Variants in SLC26A2 observed in about 807,000 individuals in gnomAD.
SLC26A2 encodes the protein solute carrier family 26 member 2, also known as sulfate transporter.
In SLC26A2, 36 loss-of-function variants were observed where a neutral mutation model predicts 41.1. The observed-to-expected ratio is 0.88, with a 90% CI of 0.67 to 1.16. SLC26A2 has a LOEUF of 1.16. Among genes scored for constraint, SLC26A2 ranks in the 50% most tolerant of loss-of-function variants. The pLI, the probability that SLC26A2 is intolerant of heterozygous loss-of-function variation, is 0.00. For missense variants in SLC26A2, 796 were observed against 869.6 expected (o/e 0.92, Z 1.07); for synonymous variants, 291 against 311.6 (o/e 0.93, Z 0.70).
intron 1 of SLC26A2, among the ~76,000 whole-genome samples, chr5:149,969,536 A>T (rs1754865371): frequency 6.6e-6 from 1 of 151,976 alleles, no homozygotes; most frequent in African/African-American, 2.4e-5. Flanking sequence ...CTTTTGTGTG[A>T]TCCTTCTCAG....
intron 1 of SLC26A2, chr5:149,962,193 T>C (rs1754723848): frequency 6.6e-6 from 1 of 152,232 alleles, no homozygotes. Context: ...TTTGCAGGGA[T>C]GGTCCTAAGA....
At chr5:149,979,059 T>A (rs1418963281) in intron 2 of SLC26A2, among the ~76,000 whole-genome samples, 1 of 151,934 alleles carries the variant, frequency 6.6e-6, no homozygotes, top group Non-Finnish European at 1.5e-5. Context: ...AAATTGCTGA[T>A]CTATTGAGCA....
chr5:149,974,799 C>T lies in SLC26A2; in HGVS notation c.-25-2829C>T, dbSNP rs1050184740. 2.1e-5 allele frequency among the ~76,000 whole-genome samples: 3 copies of T among 145,420 alleles called. No individual in the cohort carries two copies. In the South Asian group the frequency reaches 6.7e-4, roughly 33 times the overall value. On this transcript the variant is annotated intron_variant, in intron 1 of 2. Coordinates refer to ENST00000286298, the MANE Select transcript of SLC26A2 (RefSeq NM_000112.4). Reference sequence around the variant, plus strand: ...GGAGTGCAATGGCGTGATCTCGGCTCACTGCAACCTCCAGTTCCTGGGTTC... The same window carrying T: ...GGAGTGCAATGGCGTGATCTCGGCTTACTGCAACCTCCAGTTCCTGGGTTC...
At position 149,983,877 on chromosome 5, in the gene SLC26A2, A is replaced by G. The variant is rs1029979396; in HGVS notation, c.*2064A>G. 6.6e-6 allele frequency: 1 copy of G among 152,180 alleles called. No homozygotes were observed. Among genetic ancestry groups the G allele is most frequent in the African/African-American group, 2.4e-5 (1 of 41,432 alleles). 9.4% of individuals were successfully genotyped at this position (152,180 alleles called of 1,614,324 possible). A position where few individuals can be genotyped will look rare whatever the true frequency, so the allele number is the denominator to read the frequency against. Reference sequence around the variant, plus strand: ...CAGGCGTGAGCCACTGCACTTGGCCAAGTTATTTATTTTTAATCTCTCTTG... The same window carrying G: ...CAGGCGTGAGCCACTGCACTTGGCCGAGTTATTTATTTTTAATCTCTCTTG... On this transcript the variant is annotated 3_prime_UTR_variant, in exon 3 of 3. Transcript: ENST00000286298.
Position 149,977,848 on chromosome 5 carries a change from T to G in SLC26A2, c.196T>G (p.Phe66Val). 6.2e-7 allele frequency: 1 copy of G among 1,614,162 alleles called. No individual in the cohort carries two copies. The change falls in exon 2 of 3, where the codon TTC becomes GTC. Residue 66 changes from phenylalanine to valine, a missense_variant. Transcript: ENST00000286298. ...GCGTCAAGAGAAATCAGATACAAAC[T>G]TCAAGGAGTTTGTTATTAAAAAGCT... ...IERQEKSDTN[F>V]KEFVIKKLQK... is the part of the protein sequence containing the mutation.
Position 149,980,832 on chromosome 5 carries a change from A to T in SLC26A2, c.1239A>T (p.Lys413Asn). Reference sequence around the variant, plus strand: ...CCAAGAAACATGGTTACACAGTCAAAGCAAACCAGGAAATGTATGCCATTG... The same window carrying T: ...CCAAGAAACATGGTTACACAGTCAATGCAAACCAGGAAATGTATGCCATTG... ...MFAKKHGYTV[K>N]ANQEMYAIGF... Residue 413 changes from lysine to asparagine, a missense_variant, in exon 3 of 3, where the codon AAA (lysine) becomes AAT (asparagine). Transcript: ENST00000286298. The T allele has an allele frequency of 6.2e-7, 1 of 1,614,128 alleles. No individual in the cohort carries two copies. Among genetic ancestry groups the T allele is most frequent in the East Asian group, 2.2e-5 (1 of 44,880 alleles).
Position 149,981,827 on chromosome 5 carries a change from T to C in SLC26A2, c.*14T>C. 1 of 1,583,356 alleles carries C rather than the reference T, an allele frequency of 6.3e-7. No homozygotes were observed. The highest frequency in any genetic ancestry group is 8.7e-7 in the Non-Finnish European group (1 of 1,154,064). On this transcript the variant is annotated 3_prime_UTR_variant, in exon 3 of 3. Coordinates refer to ENST00000286298, the MANE Select transcript of SLC26A2 (RefSeq NM_000112.4). The stretch of plus-strand genomic sequence containing the variant: ...AGTAGTGATTAATTGAGAAGGTAGA[T>C]AGAAGAATGTCTAGCCAATAGGTTA...
intron 1 of SLC26A2, among the ~76,000 whole-genome samples, chr5:149,967,749 T>C (rs1190378918): frequency 1.3e-5 from 2 of 152,072 alleles, no homozygotes; most frequent in African/African-American, 2.4e-5. Context: ...TCTCTCTCTG[T>C]GTATATATAT....
intron 1 of SLC26A2, among the ~76,000 whole-genome samples, chr5:149,964,638 G>A (rs370036786): frequency 2.4e-3 from 358 of 152,002 alleles, no homozygotes; most frequent in African/African-American, 8.2e-3. Context: ...TTAGCCAGGT[G>A]TGGTGGCGGG....
intron 2 of SLC26A2, among the ~76,000 whole-genome samples, chr5:149,979,952 T>TGACC (rs2113697411): frequency 6.6e-6 from 1 of 152,310 alleles, no homozygotes; most frequent in South Asian, 2.1e-4. Context: ...GAGAATGTTT[T>TGACC]TCTTTTAAAA....
chr5:149,977,711 A>G lies in SLC26A2; in HGVS notation c.59A>G (p.Asn20Ser). 1 of 1,614,200 alleles carries G rather than the reference A, an allele frequency of 6.2e-7. No individual in the cohort carries two copies. Among genetic ancestry groups the G allele is most frequent in the Non-Finnish European group, 8.5e-7 (1 of 1,180,010 alleles). ...NVSPRDSAEGNDSYPSGIHLE... is the reference protein window; with the variant it reads ...NVSPRDSAEGSDSYPSGIHLE... ...TCACCCAGAGACTCAGCTGAAGGAA[A>G]TGACAGTTATCCATCTGGGATCCAT... Residue 20 changes from asparagine to serine, a missense_variant, in exon 2 of 3, where the codon AAT becomes AGT. Coordinates refer to ENST00000286298, the MANE Select transcript of SLC26A2 (RefSeq NM_000112.4).
chr5:149,963,761 T>TTTC (rs1366905665), intron 1 of SLC26A2, among the ~76,000 whole-genome samples: 1 of 148,202 alleles, frequency 6.7e-6, no homozygotes, highest in Admixed American at 6.7e-5. Flanking sequence ...TTTTTTTTTT[T>TTTC]TGTGGAGACA....
rs1554095266 is a variant in SLC26A2, at chr5:149,980,291, A to G, written c.700-2A>G. On this transcript the variant is annotated splice_acceptor_variant, in intron 2 of 2. Coordinates refer to ENST00000286298, the MANE Select transcript of SLC26A2 (RefSeq NM_000112.4). LOFTEE classifies it high-confidence loss of function. Reference sequence around the variant, plus strand: ...TTAACACTTCTATATCCTTCCTTCCAGGTAGCGATGGGCTTCTTTCAAGTG... The same window carrying G: ...TTAACACTTCTATATCCTTCCTTCCGGGTAGCGATGGGCTTCTTTCAAGTG... 11 of 1,612,648 alleles carry G rather than the reference A, an allele frequency of 6.8e-6. No individual in the cohort carries two copies. Among genetic ancestry groups the G allele is most frequent in the Non-Finnish European group, 8.5e-6 (10 of 1,178,618 alleles).
At chr5:149,974,369 A>G (rs1754955228) in intron 1 of SLC26A2, among the ~76,000 whole-genome samples, 1 of 150,904 alleles carries the variant, frequency 6.6e-6, no homozygotes, top group Non-Finnish European at 1.5e-5. Flanking sequence ...TTGTTTTTAT[A>G]TTTACTCTTC....
chr5:149,971,209 C>G (rs978069728), intron 1 of SLC26A2, among the ~76,000 whole-genome samples: 2 of 152,178 alleles, frequency 1.3e-5, no homozygotes, highest in African/African-American at 4.8e-5. Flanking sequence ...CTGTGCCATC[C>G]TGGTTGTAGG....
intron 1 of SLC26A2, among the ~76,000 whole-genome samples, chr5:149,965,976 C>A (rs1754799403): frequency 6.6e-6 from 1 of 152,210 alleles, no homozygotes; most frequent in African/African-American, 2.4e-5. Context: ...GCAATCTCAA[C>A]TCACTGCAAC....
chr5:149,972,837 ATC>A (rs1754927486), intron 1 of SLC26A2, among the ~76,000 whole-genome samples: 1 of 152,062 alleles, frequency 6.6e-6, no homozygotes, highest in Non-Finnish European at 1.5e-5. Context: ...CGTTTGTTCC[ATC>A]TGTTTTTTAT....
chr5:149,975,084 G>C (rs1754970155), intron 1 of SLC26A2, among the ~76,000 whole-genome samples: 3 of 152,002 alleles, frequency 2.0e-5, no homozygotes, highest in Admixed American at 2.0e-4. Flanking sequence ...GCATATGTTT[G>C]ATACTTTGAT....
rs766441629 is a variant in SLC26A2, at chr5:149,980,609, T to C, written c.1016T>C (p.Val339Ala). 1 of 1,614,118 alleles carries C rather than the reference T, an allele frequency of 6.2e-7. No homozygotes were observed. The highest frequency in any genetic ancestry group is 8.5e-7 in the Non-Finnish European group (1 of 1,179,992). The change falls in exon 3 of 3, where the codon GTT becomes GCT. Residue 339 changes from valine (V) to alanine (A), a missense_variant. Coordinates refer to ENST00000286298, the MANE Select transcript of SLC26A2 (RefSeq NM_000112.4). ...LKAPIPIELVVVVAATLASHF... is the reference protein window; with the variant it reads ...LKAPIPIELVAVVAATLASHF... ...GCACCGATTCCTATTGAACTTGTTGTTGTTGTAGCAGCCACATTAGCCTCT... is the reference window on the plus strand; with the variant it reads ...GCACCGATTCCTATTGAACTTGTTGCTGTTGTAGCAGCCACATTAGCCTCT...
Sources: gnomAD v4.1 joint callset for allele counts (sites outside exome capture counted in the v4.1 genomes callset) on GRCh38, gnomAD v4.1.1 for gene constraint, MANE v1.5 for transcripts, NCBI Gene and HGNC (gene_info 2026-07-23, HGNC 2026-07-21) for gene names.